THEMIS: variants seen among roughly 807,000 people sequenced by gnomAD.
THEMIS encodes thymocyte selection associated, also known as protein THEMIS.
Under a neutral mutation model 52.6 loss-of-function variants are expected in THEMIS, and 37 were observed. The observed-to-expected ratio is 0.70, with a 90% confidence interval of 0.54 to 0.93. The LOEUF (loss-of-function observed/expected upper bound fraction) is 0.93. THEMIS is among the 40% of genes least tolerant of loss of function. The pLI is 0.00. For missense variants in THEMIS, 808 were observed against 763.1 expected (o/e 1.06, Z -0.69); for synonymous variants, 292 against 272.7 (o/e 1.07, Z -0.70).
chr6:127,784,983 C>CTATCTATTATCTATCTATCTATTAT (rs1776880637), intron 4 of THEMIS, among the ~76,000 whole-genome samples: 1 of 116,222 alleles, frequency 8.6e-6, no homozygotes, highest in Non-Finnish European at 2.0e-5. Flanking sequence ...ATCTATCTAT[C>CTATCTATTATCTATCTATCTATTAT]TATCTATCTA....
chr6:127,828,208 G>A (rs902573100), intron 3 of THEMIS, among the ~76,000 whole-genome samples: 2 of 152,070 alleles, frequency 1.3e-5, no homozygotes, highest in African/African-American at 2.4e-5. Flanking sequence ...GTAACTATGC[G>A]ATAGGCAGGA....
At position 127,855,022 on chromosome 6, in the gene THEMIS, TG is replaced by T. The variant is rs1432372905; in HGVS notation, c.250+7del. ...GTACAAATGATAAGTGGTTGCAATG[TG>T]CTGTACCTGGAAAATTCATAGGCAG... On this transcript the variant is annotated splice_region_variant and intron_variant, in intron 2 of 5. Coordinates refer to ENST00000368248, the MANE Select transcript of THEMIS (RefSeq NM_001010923.3). The T allele has an allele frequency of 6.3e-7, 1 of 1,598,774 alleles. No homozygotes were observed. The highest frequency in any genetic ancestry group is 8.5e-7 in the Non-Finnish European group (1 of 1,174,240).
rs1021295116 is a variant in THEMIS, at chr6:127,878,461, T to G, written c.91+22381A>C. 2.0e-5 allele frequency among the ~76,000 whole-genome samples: 3 copies of G among 147,002 alleles called. No individual in the cohort carries two copies. The South Asian group carries it at 6.5e-4, about 32-fold the overall frequency. The stretch of plus-strand genomic sequence containing the variant: ...ATTATATCTATTTGCAAAAAAAAAA[T>G]GCTTTTTACATTTGGCAAAATTTGA... On this transcript the variant is annotated intron_variant, in intron 1 of 5. Coordinates refer to ENST00000368248, the MANE Select transcript of THEMIS (RefSeq NM_001010923.3).
intron 4 of THEMIS, among the ~76,000 whole-genome samples, chr6:127,762,076 T>A (rs1008712748): frequency 2.0e-5 from 3 of 152,098 alleles, no homozygotes; most frequent in South Asian, 4.1e-4. Context: ...TCAGATTTTT[T>A]AAAAAAGAAG....
intron 1 of THEMIS, among the ~76,000 whole-genome samples, chr6:127,866,703 C>A (rs1213040254): frequency 6.6e-6 from 1 of 151,828 alleles, no homozygotes; most frequent in African/African-American, 2.4e-5. Flanking sequence ...TGAACAATTT[C>A]TATCATCTAC....
chr6:127,855,055 T>G lies in THEMIS; in HGVS notation c.225A>C (p.Pro75=). The change falls in exon 2 of 6, where the codon CCA becomes CCC. Residue 75 remains proline, a synonymous_variant. Coordinates refer to ENST00000368248, the MANE Select transcript of THEMIS (RefSeq NM_001010923.3). ...EQIEGCESLQ[P]FELPMNFPGL... ...CTGGAAAATTCATAGGCAGTTCAAA[T>G]GGCTGTAGAGACTCACAACCTTCAA... 2.5e-6 allele frequency: 4 copies of G among 1,608,900 alleles called. No individual in the cohort carries two copies. Among genetic ancestry groups the G allele is most frequent in the Non-Finnish European group, 3.4e-6 (4 of 1,177,728 alleles).
chr6:127,816,115 A>T (rs1778124532), intron 3 of THEMIS, among the ~76,000 whole-genome samples: 1 of 152,140 alleles, frequency 6.6e-6, no homozygotes, highest in African/African-American at 2.4e-5. Context: ...GCAGCATTTG[A>T]CAAAGTGGAT....
At chr6:127,778,856 A>G (rs1046657479) in intron 4 of THEMIS, among the ~76,000 whole-genome samples, 10 of 151,688 alleles carry the variant, frequency 6.6e-5, no homozygotes, top group Admixed American at 4.6e-4. Flanking sequence ...TTTGCTAAAA[A>G]AATGGAAGGA....
At chr6:127,853,955 G>A (rs1054091227) in intron 2 of THEMIS, among the ~76,000 whole-genome samples, 1 of 151,570 alleles carries the variant, frequency 6.6e-6, no homozygotes, top group East Asian at 1.9e-4. Context: ...TCCTTTTCAA[G>A]CCCCACAAAG....
At chr6:127,787,884 G>T (rs868151617) in intron 4 of THEMIS, among the ~76,000 whole-genome samples, 485 of 132,990 alleles carry the variant, frequency 3.6e-3, no homozygotes, top group African/African-American at 0.011. Flanking sequence ...GATAGATATA[G>T]ATAGATAGAT....
At chr6:127,829,351 T>A (rs933538757) in intron 3 of THEMIS, 125 bp downstream of exon 3, 2 of 729,402 alleles carry the variant, frequency 2.7e-6, no homozygotes, top group Non-Finnish European at 4.5e-6. Flanking sequence ...TGATGAGGAA[T>A]CTAACTCTCA....
At chr6:127,760,684 G>A (rs891503041) in intron 4 of THEMIS, among the ~76,000 whole-genome samples, 14 of 152,112 alleles carry the variant, frequency 9.2e-5, no homozygotes, top group Admixed American at 2.6e-4. Flanking sequence ...GCTGAGGCCC[G>A]GAGGATGATT....
intron 3 of THEMIS, among the ~76,000 whole-genome samples, chr6:127,824,354 CA>C (rs1778434546): frequency 6.6e-6 from 1 of 152,030 alleles, no homozygotes; most frequent in African/African-American, 2.4e-5. Context: ...GAAGATACCA[CA>C]AAGATTCTTC....
At chr6:127,697,150 A>G in the THEMIS span, among the ~76,000 whole-genome samples, 1 of 152,172 alleles carries the variant, frequency 6.6e-6, no homozygotes, top group Non-Finnish European at 1.5e-5. Flanking sequence ...AGCCTCTGAG[A>G]ATAATTCCCA....
chr6:127,773,569 T>C (rs1562248188), intron 4 of THEMIS, among the ~76,000 whole-genome samples: 1 of 152,172 alleles, frequency 6.6e-6, no homozygotes. Flanking sequence ...ACAAAAAGAT[T>C]GTGGATATTT....
At chr6:127,719,921 T>C in intron 4 of THEMIS, 98 bp from the exon 5 acceptor site, 2 of 1,448,150 alleles carry the variant, frequency 1.4e-6, no homozygotes, top group East Asian at 2.4e-5. Flanking sequence ...TCTGTATGTC[T>C]GAAACAGAAC....
intron 2 of THEMIS, among the ~76,000 whole-genome samples, chr6:127,851,423 A>T (rs1009408723): frequency 1.3e-5 from 2 of 151,664 alleles, no homozygotes; most frequent in African/African-American, 4.8e-5. Context: ...ATGGGAGAAA[A>T]TATTTGCAAG....
chr6:127,758,942 A>G (rs553657471), intron 4 of THEMIS, among the ~76,000 whole-genome samples: 100 of 152,294 alleles, frequency 6.6e-4, no homozygotes, highest in African/African-American at 2.2e-3. Context: ...CAATTTATGA[A>G]CTTACAAAAT....
intron 5 of THEMIS, among the ~76,000 whole-genome samples, chr6:127,710,383 C>A (rs1191770271): frequency 6.6e-6 from 1 of 151,952 alleles, no homozygotes; most frequent in Non-Finnish European, 1.5e-5. Context: ...ACCTGCCCAG[C>A]AATCACATAG....
Sources: gnomAD v4.1 joint callset for allele counts (sites outside exome capture counted in the v4.1 genomes callset) on GRCh38, gnomAD v4.1.1 for gene constraint, MANE v1.5 for transcripts, NCBI Gene and HGNC (gene_info 2026-07-23, HGNC 2026-07-21) for gene names.